RBM27: variants seen among roughly 807,000 people sequenced by gnomAD.
RBM27 encodes RNA-binding protein 27.
RBM27 carries 22 observed loss-of-function variants against 135.3 expected under a neutral mutation model. That is an observed-to-expected ratio of 0.16 (90% confidence interval 0.12 to 0.23). The LOEUF (loss-of-function observed/expected upper bound fraction) is 0.23, where lower values mean the gene tolerates loss of function less well. Among genes scored for constraint, RBM27 ranks in the 10% least tolerant of loss-of-function variants. The pLI is 1.00. For synonymous variants in RBM27, 481 were observed against 442.4 expected, an observed-to-expected ratio of 1.09 and a Z score of -1.10; for missense variants, 1,009 against 1,281.0, an observed-to-expected ratio of 0.79 and a Z score of 3.24.
intron 19 of RBM27, among the ~76,000 whole-genome samples, chr5:146,272,833 T>C (rs1483729709): frequency 6.6e-6 from 1 of 152,204 alleles, no homozygotes; most frequent in Non-Finnish European, 1.5e-5. Context: ...ACCCTGATTC[T>C]TGGGGAAGAT....
chr5:146,260,447 C>T (rs1227559745), intron 11 of RBM27, among the ~76,000 whole-genome samples: 1 of 152,152 alleles, frequency 6.6e-6, no homozygotes, highest in Non-Finnish European at 1.5e-5. Context: ...TGGTCTGGAA[C>T]CCCTGGGCTC....
chr5:146,276,619 A>G (rs1192229836), intron 19 of RBM27, among the ~76,000 whole-genome samples: 1 of 152,248 alleles, frequency 6.6e-6, no homozygotes, highest in Non-Finnish European at 1.5e-5. Flanking sequence ...TTTACTGTAC[A>G]TGGAAATGAT....
intron 6 of RBM27, 135 bp downstream of exon 6, chr5:146,231,052 T>A: frequency 7.2e-6 from 8 of 1,104,040 alleles, no homozygotes; most frequent in South Asian, 1.7e-5. Context: ...GACAGAGTCT[T>A]GCTCTGTCAC....
chr5:146,233,763 A>G lies in RBM27; in HGVS notation c.1144+20A>G. 1 of 1,358,926 alleles carries G rather than the reference A, an allele frequency of 7.4e-7. No individual in the cohort carries two copies. The allele number at this position is 1,358,926 out of a possible 1,614,324, so 84.2% of individuals were successfully genotyped here. A position where few individuals can be genotyped will look rare whatever the true frequency, so the allele number is the denominator to read the frequency against. On this transcript the variant is annotated intron_variant, in intron 7 of 20. Transcript: ENST00000265271. ...TACCAAGTAAGTATATATTTGTTGA[A>G]TTTTTCTCTAGCGTTCTGTTTAGAA...
In RBM27 at chr5:146,204,126, A is replaced by G. The variant is rs575930105; in HGVS notation, c.59+302A>G. Among the ~76,000 whole-genome samples, 24 of 152,286 alleles carry G rather than the reference A, an allele frequency of 1.6e-4. No individual in the cohort carries two copies. The South Asian group carries it at 4.8e-3, about 30-fold the overall frequency. On this transcript the variant is annotated intron_variant, in intron 1 of 20. Coordinates refer to ENST00000265271, the MANE Select transcript of RBM27 (RefSeq NM_018989.2). ...CAGGGGCCGTGAGGGAATTTAAAACATTGCTGTTTGAGAACTGAGAGAGAG... is the reference window on the plus strand; with the variant it reads ...CAGGGGCCGTGAGGGAATTTAAAACGTTGCTGTTTGAGAACTGAGAGAGAG...
intron 8 of RBM27, among the ~76,000 whole-genome samples, chr5:146,248,907 A>G (rs1757754948): frequency 6.6e-6 from 1 of 152,236 alleles, no homozygotes; most frequent in African/African-American, 2.4e-5. Context: ...GTGATGTATC[A>G]TACATTTAAA....
At chr5:146,216,678 G>A (rs930504493) in intron 1 of RBM27, among the ~76,000 whole-genome samples, 2 of 151,742 alleles carry the variant, frequency 1.3e-5, no homozygotes, top group Non-Finnish European at 2.9e-5. Flanking sequence ...TATTTTTTGA[G>A]ACAGGGTCTC....
intron 6 of RBM27, among the ~76,000 whole-genome samples, chr5:146,232,789 A>C (rs1756993746): frequency 6.6e-6 from 1 of 152,128 alleles, no homozygotes; most frequent in African/African-American, 2.4e-5. Context: ...GGATGGTCTC[A>C]GTTTCTTGAC....
rs1758360824 is a variant in RBM27 at position 146,260,759 on chromosome 5, A to G, written c.1754A>G (p.Asn585Ser). 2 of 1,605,726 alleles carry G rather than the reference A, an allele frequency of 1.2e-6. No individual in the cohort carries two copies. The highest frequency in any genetic ancestry group is 2.2e-5 in the South Asian group (2 of 88,898). Residue 585 changes from asparagine to serine, a missense_variant, in exon 12 of 21, where the codon AAT becomes AGT. By Grantham distance (46) the Asn-to-Ser change is conservative. Transcript: ENST00000265271. ...KPWLGKQGNN[N>S]QNKPGFLRKN... The stretch of plus-strand genomic sequence containing the variant: ...CTTCCTTTTAGGCAAGGAAATAACA[A>G]TCAAAATAAACCAGGGTTCTTACGA...
chr5:146,282,808 A>G (rs192743090), intron 19 of RBM27, among the ~76,000 whole-genome samples: 95 of 152,300 alleles, frequency 6.2e-4, no homozygotes, highest in Non-Finnish European at 7.6e-4. Flanking sequence ...TTACCAGTTT[A>G]GAATCAGTTT....
At chr5:146,225,041 C>T (rs1322304315) in intron 3 of RBM27, among the ~76,000 whole-genome samples, 2 of 152,296 alleles carry the variant, frequency 1.3e-5, no homozygotes, top group East Asian at 3.9e-4. Flanking sequence ...GTAAATTTAA[C>T]ATCCATATAG....
intron 1 of RBM27, among the ~76,000 whole-genome samples, chr5:146,211,701 G>A (rs911142196): frequency 1.8e-4 from 28 of 151,378 alleles, no homozygotes; most frequent in African/African-American, 5.8e-4. Context: ...GGCTGGTCTC[G>A]AACTCCTGAC....
chr5:146,218,496 C>T (rs1430728888), intron 1 of RBM27, among the ~76,000 whole-genome samples: 1 of 152,114 alleles, frequency 6.6e-6, no homozygotes, highest in East Asian at 1.9e-4. Context: ...AAGATACTCG[C>T]TGAGATTAGC....
intron 1 of RBM27, among the ~76,000 whole-genome samples, 200 bp from the exon 2 acceptor site, chr5:146,218,785 A>G (rs893884107): frequency 6.6e-6 from 1 of 152,202 alleles, no homozygotes; most frequent in African/African-American, 2.4e-5. Flanking sequence ...AAGACATACT[A>G]GTCATTTTGT....
Position 146,274,270 on chromosome 5 carries a change from G to GT in RBM27, c.2988+2602dup, listed in dbSNP as rs545981212. On this transcript the variant is annotated intron_variant, in intron 19 of 20. Coordinates refer to ENST00000265271, the MANE Select transcript of RBM27 (RefSeq NM_018989.2). Reference sequence around the variant, plus strand: ...ATCTTTTTTTTGTTTTTTGTTTTCTGTTTTTTGTGACAGTCTCCATCTGTC... The same window carrying GT: ...ATCTTTTTTTTGTTTTTTGTTTTCTGTTTTTTTGTGACAGTCTCCATCTGTC... Among the ~76,000 whole-genome samples the GT allele has an allele frequency of 9.3e-4, 130 of 139,526 alleles. 4 individuals are homozygous for GT. In the South Asian group the frequency reaches 0.027, roughly 29 times the overall value. 91.5% of individuals were successfully genotyped at this position (139,526 alleles called of 152,430 possible). A position where few individuals can be genotyped will look rare whatever the true frequency, so the allele number is the denominator to read the frequency against.
intron 17 of RBM27, among the ~76,000 whole-genome samples, chr5:146,269,909 T>C (rs897938485): frequency 6.6e-6 from 1 of 152,128 alleles, no homozygotes; most frequent in African/African-American, 2.4e-5. Flanking sequence ...CTGTAGATGC[T>C]CTGTACCCTT....
intron 14 of RBM27, among the ~76,000 whole-genome samples, chr5:146,264,321 T>C (rs978314108): frequency 6.6e-6 from 1 of 151,864 alleles, no homozygotes; most frequent in African/African-American, 2.4e-5. Context: ...GTAGCTGAGA[T>C]TACAGGCATG....
chr5:146,218,901 C>A, intron 1 of RBM27, 84 bp from the exon 2 acceptor site: 2 of 808,722 alleles, frequency 2.5e-6, no homozygotes, highest in South Asian at 2.2e-5. Context: ...TCTCGTTTTC[C>A]AAAATAAGGG....
At chr5:146,258,210 C>T (rs1758207422) in intron 10 of RBM27, among the ~76,000 whole-genome samples, 1 of 152,174 alleles carries the variant, frequency 6.6e-6, no homozygotes, top group South Asian at 2.1e-4. Context: ...ATATTTTTTT[C>T]ATCTATTGAT....
Sources: allele counts gnomAD v4.1 joint callset (sites outside exome capture counted in the v4.1 genomes callset), GRCh38; gene constraint gnomAD v4.1.1; transcripts MANE v1.5; gene names NCBI Gene and HGNC (gene_info 2026-07-23, HGNC 2026-07-21).